Variants in AXDND1 observed in about 807,000 individuals in gnomAD.
The protein encoded by AXDND1 is axonemal dynein light chain domain containing 1.
A neutral mutation model predicts 137.5 loss-of-function variants in AXDND1; 110 were observed. That is an observed-to-expected ratio of 0.80 (90% confidence interval 0.69 to 0.94). The LOEUF is 0.94. Among genes scored for constraint, AXDND1 ranks in the 40% least tolerant of loss-of-function variants. The pLI is 0.00. For missense variants in AXDND1, 1,191 were observed against 1,169.8 expected (o/e 1.02, Z -0.26); for synonymous variants, 414 against 399.7 (o/e 1.04, Z -0.43).
intron 6 of AXDND1, 75 bp from the exon 7 acceptor site, chr1:179,382,625 G>A (rs1648559100): frequency 4.0e-6 from 4 of 1,008,394 alleles, no homozygotes; most frequent in South Asian, 2.8e-5. Context: ...AAGATTCTGG[G>A]GGTTAGTTGT....
chr1:179,417,416 T>G (rs1314951741), intron 12 of AXDND1, among the ~76,000 whole-genome samples: 1 of 152,184 alleles, frequency 6.6e-6, no homozygotes, highest in Non-Finnish European at 1.5e-5. Context: ...ACGGAAAATC[T>G]TTGCCCAAAC....
intron 10 of AXDND1, 84 bp downstream of exon 10, chr1:179,394,127 A>G: frequency 2.9e-6 from 4 of 1,400,742 alleles, no homozygotes; most frequent in Non-Finnish European, 3.8e-6. Flanking sequence ...GGGAAAGTGG[A>G]ATGGTTAAAG....
At chr1:179,369,453 A>G (rs897642986) in intron 3 of AXDND1, among the ~76,000 whole-genome samples, 12 of 152,240 alleles carry the variant, frequency 7.9e-5, no homozygotes, top group African/African-American at 2.2e-4. Context: ...CAGGAGATCA[A>G]CCATCCTGGC....
intron 12 of AXDND1, among the ~76,000 whole-genome samples, chr1:179,418,647 G>T (rs1473147507): frequency 6.7e-6 from 1 of 149,382 alleles, no homozygotes; most frequent in East Asian, 2.0e-4. Flanking sequence ...TCCCGGACGG[G>T]GCGGCTGGCC....
intron 6 of AXDND1, among the ~76,000 whole-genome samples, chr1:179,380,244 G>A (rs12746001): frequency 0.31 from 46,383 of 150,394 alleles, 7,382 homozygotes; most frequent in African/African-American, 0.35. Context: ...GTGAGACTCC[G>A]TCTCAAAAAA....
chr1:179,548,579 C>T (rs11577538), intron 25 of AXDND1: 38,266 of 152,062 alleles, frequency 0.25, 5,416 homozygotes, highest in East Asian at 0.42. Flanking sequence ...GCTCAGCTAC[C>T]GTGCAAAAGC....
chr1:179,488,634 C>CCTTTCTTTCTTTCTTTCTTTCTTT (rs57848949), intron 18 of AXDND1, among the ~76,000 whole-genome samples: 1 of 105,172 alleles, frequency 9.5e-6, no homozygotes, highest in East Asian at 2.6e-4. Context: ...CTCTCTCTCT[C>CCTTTCTTTCTTTCTTTCTTTCTTT]CTTTCTTTCT....
Position 179,382,675 on chromosome 1 carries a change from C to T in AXDND1, c.582-25C>T, listed in dbSNP as rs187300322. Reference sequence around the variant, plus strand: ...AGGCCAGAAAATTTTCTTAAAATAACATTTACCTATCTTATTTATTGTAGC... The same window carrying T: ...AGGCCAGAAAATTTTCTTAAAATAATATTTACCTATCTTATTTATTGTAGC... On this transcript the variant is annotated intron_variant, in intron 6 of 25. Transcript: ENST00000367618. 1,118 of 1,561,880 alleles carry T rather than the reference C, an allele frequency of 7.2e-4. 4 individuals are homozygous for T. In the Middle Eastern group the frequency reaches 9.5e-3, roughly 13 times the overall value.
intron 22 of AXDND1, among the ~76,000 whole-genome samples, chr1:179,526,975 G>T (rs1270656340): frequency 6.6e-6 from 1 of 152,204 alleles, no homozygotes; most frequent in African/African-American, 2.4e-5. Flanking sequence ...TACAGGAAAG[G>T]TGTCATGATT....
chr1:179,433,675 G>C (rs1209543681), intron 15 of AXDND1, among the ~76,000 whole-genome samples: 4 of 152,202 alleles, frequency 2.6e-5, no homozygotes, highest in Non-Finnish European at 4.4e-5. Context: ...GTATGGTTTT[G>C]AGTGAGTTTC....
intron 15 of AXDND1, among the ~76,000 whole-genome samples, chr1:179,442,819 A>G (rs1373067728): frequency 6.6e-6 from 1 of 152,000 alleles, no homozygotes; most frequent in African/African-American, 2.4e-5. Flanking sequence ...CCACTATGTA[A>G]CCCGCACGAA....
chr1:179,405,845 G>GT (rs35978241), intron 11 of AXDND1, among the ~76,000 whole-genome samples: 44,245 of 151,310 alleles, frequency 0.29, 6,670 homozygotes, highest in Non-Finnish European at 0.31. Flanking sequence ...ATATTTTGTA[G>GT]TTTTTTAGTT....
At chr1:179,369,839 G>T in intron 3 of AXDND1, 136 bp from the exon 4 acceptor site, 1 of 570,056 alleles carries the variant, frequency 1.8e-6, no homozygotes, top group East Asian at 2.9e-5. Flanking sequence ...CATTTAATAA[G>T]AATTCTGCTC....
chr1:179,515,465 T>TTA (rs561225252), intron 21 of AXDND1, among the ~76,000 whole-genome samples: 5 of 152,296 alleles, frequency 3.3e-5, no homozygotes, highest in South Asian at 2.1e-4. Context: ...AGGTTTTCCT[T>TTA]TATAGGGTAC....
chr1:179,373,692 T>A (rs911355992), intron 4 of AXDND1, among the ~76,000 whole-genome samples: 40 of 152,262 alleles, frequency 2.6e-4, no homozygotes, highest in Admixed American at 2.6e-3. Context: ...AACCATCTGA[T>A]CTTTGACAAA....
At chr1:179,428,960 C>T (rs1656980451) in intron 12 of AXDND1, among the ~76,000 whole-genome samples, 1 of 151,336 alleles carries the variant, frequency 6.6e-6, no homozygotes, top group Admixed American at 6.8e-5. Context: ...AGGCAGATCA[C>T]GAGGTCAGGA....
intron 22 of AXDND1, among the ~76,000 whole-genome samples, chr1:179,525,890 C>T (rs184206061): frequency 4.6e-4 from 70 of 152,010 alleles, no homozygotes; most frequent in Admixed American, 9.2e-4. Flanking sequence ...GAGTGAACTC[C>T]AGTTTCCTTC....
At chr1:179,426,038 T>G (rs1656522459) in intron 12 of AXDND1, among the ~76,000 whole-genome samples, 1 of 152,004 alleles carries the variant, frequency 6.6e-6, no homozygotes, top group Non-Finnish European at 1.5e-5. Flanking sequence ...GGTTTTACCA[T>G]GTTGGTCAGG....
intron 20 of AXDND1, 141 bp downstream of exon 20, chr1:179,493,092 A>G (rs1209882265): frequency 1.7e-5 from 9 of 538,736 alleles, no homozygotes; most frequent in Non-Finnish European, 2.5e-5. Flanking sequence ...ATACTCATAA[A>G]AACAATTAAT....
Sources: gnomAD v4.1 joint callset for allele counts (sites outside exome capture counted in the v4.1 genomes callset) on GRCh38, gnomAD v4.1.1 for gene constraint, MANE v1.5 for transcripts, NCBI Gene and HGNC (gene_info 2026-07-23, HGNC 2026-07-21) for gene names.